Variants in NID1 observed in about 807,000 individuals in gnomAD.
The protein encoded by NID1 is nidogen 1.
NID1 carries 76 observed loss-of-function variants against 130.6 expected under a neutral mutation model. The observed-to-expected ratio is 0.58, with a 90% CI of 0.48 to 0.70. The LOEUF (loss-of-function observed/expected upper bound fraction) is 0.70, where lower values mean the gene tolerates loss of function less well. Ranked by LOEUF, NID1 falls within the 30% of genes least tolerant of loss-of-function variation. NID1 has a pLI of 0.00. For missense variants in NID1, 1,517 were observed against 1,664.8 expected, an observed-to-expected ratio of 0.91 and a Z score of 1.54; for synonymous variants, 665 against 675.1, an observed-to-expected ratio of 0.98 and a Z score of 0.23.
At chr1:236,011,003 C>T (rs1199831890) in intron 12 of NID1, among the ~76,000 whole-genome samples, 1 of 151,954 alleles carries the variant, frequency 6.6e-6, no homozygotes, top group Non-Finnish European at 1.5e-5. Context: ...CACCATATAC[C>T]AAACACTCCA....
chr1:236,051,970 A>G (rs1338222878), intron 1 of NID1, among the ~76,000 whole-genome samples: 1 of 152,252 alleles, frequency 6.6e-6, no homozygotes, highest in African/African-American at 2.4e-5. Context: ...AATGCTTTGG[A>G]CAACGGTCAT....
chr1:236,024,957 CTT>C (rs1331417881), intron 8 of NID1, among the ~76,000 whole-genome samples: 11 of 145,286 alleles, frequency 7.6e-5, no homozygotes, highest in South Asian at 2.2e-4. Flanking sequence ...ATTTCTTTTT[CTT>C]TTTTTTTTTT....
intron 4 of NID1, 85 bp downstream of exon 4, chr1:236,041,825 C>T: frequency 6.7e-7 from 1 of 1,493,006 alleles, no homozygotes; most frequent in Non-Finnish European, 9.0e-7. Context: ...ATGTAATGCT[C>T]ACAACTGACA....
At chr1:235,994,255 C>G (rs200392266) in intron 12 of NID1, among the ~76,000 whole-genome samples, 1 of 152,182 alleles carries the variant, frequency 6.6e-6, no homozygotes, top group Non-Finnish European at 1.5e-5. Flanking sequence ...CTCTGCCTCT[C>G]GGGTTCAAGT....
chr1:236,001,251 G>A (rs905710708), intron 12 of NID1, among the ~76,000 whole-genome samples: 8 of 151,864 alleles, frequency 5.3e-5, no homozygotes, highest in Non-Finnish European at 1.2e-4. Context: ...GATTACAGGC[G>A]CCTGCCACTG....
chr1:236,016,000 C>A (rs551949908), intron 10 of NID1, among the ~76,000 whole-genome samples: 95 of 152,260 alleles, frequency 6.2e-4, no homozygotes, highest in Middle Eastern at 3.4e-3. Context: ...CTGTGCACAT[C>A]AGCACCCAAG....
chr1:235,977,704 C>T lies in NID1; in HGVS notation c.*163G>A. On this transcript the variant is annotated 3_prime_UTR_variant, in exon 20 of 20. Coordinates refer to ENST00000264187, the MANE Select transcript of NID1 (RefSeq NM_002508.3). ...TTTTCTATTAGAGAAGTCCAGGGTG[C>T]ATGTTTTGGGGAACAGTGAGGGAAA... 9 of 697,128 alleles carry T rather than the reference C, an allele frequency of 1.3e-5. No homozygotes were observed. The highest frequency in any genetic ancestry group is 7.6e-4 in the Middle Eastern group (2 of 2,632). 43.2% of individuals were successfully genotyped at this position (697,128 alleles called of 1,614,324 possible).
intron 1 of NID1, among the ~76,000 whole-genome samples, chr1:236,064,341 C>A (rs931368965): frequency 6.6e-6 from 1 of 152,208 alleles, no homozygotes; most frequent in African/African-American, 2.4e-5. Flanking sequence ...AGCATCACTG[C>A]CAAGACACAT....
chr1:236,028,694 A>G (rs1372366246), intron 7 of NID1, among the ~76,000 whole-genome samples: 1 of 151,768 alleles, frequency 6.6e-6, no homozygotes, highest in South Asian at 2.1e-4. Context: ...ATACATATAT[A>G]TATATATATA....
At chr1:236,036,021 T>C (rs1659247632) in intron 5 of NID1, among the ~76,000 whole-genome samples, 1 of 152,116 alleles carries the variant, frequency 6.6e-6, no homozygotes, top group African/African-American at 2.4e-5. Flanking sequence ...AATGTCAAAA[T>C]ATGTGGCTGA....
rs936095860 is a variant in NID1, at chr1:235,993,763, A to G, written c.2637T>C (p.Asp879=). ...GGGTGGGCGCGTAGTGCCCGTGCGC[A>G]TCGCACTCAGGAACGAACAGCCCCG... The part of the protein sequence containing the change: ...IPPGLFVPEC[D]AHGHYAPTQC... The change falls in exon 13 of 20, where the codon GAT becomes GAC. Residue 879 remains aspartate, a synonymous_variant. Transcript: ENST00000264187. 1 of 1,614,042 alleles carries G rather than the reference A, an allele frequency of 6.2e-7. No homozygotes were observed.
At position 236,063,246 on chromosome 1, in the gene NID1, C is replaced by T. The variant is rs147297076; in HGVS notation, c.225+1609G>A. On this transcript the variant is annotated intron_variant, in intron 1 of 19. Coordinates refer to ENST00000264187, the MANE Select transcript of NID1 (RefSeq NM_002508.3). The stretch of plus-strand genomic sequence containing the variant: ...CAGCACTTTGGGAAGCTGAGGTGGG[C>T]AGATCATCTGAGGTCAGGAGTTCAA... Among the ~76,000 whole-genome samples, 691 of 149,930 alleles carry T rather than the reference C, an allele frequency of 4.6e-3. 10 individuals carry two copies. Among genetic ancestry groups the T allele is most frequent in the African/African-American group, 0.016 (662 of 40,590 alleles).
At chr1:236,047,262 G>C (rs911275) in intron 2 of NID1, among the ~76,000 whole-genome samples, 75,253 of 152,076 alleles carry the variant, frequency 0.49, 19,376 homozygotes, top group East Asian at 0.68. Context: ...TCCTCAAGGT[G>C]TATCTTGTAG....
intron 3 of NID1, 45 bp from the exon 4 acceptor site, chr1:236,042,337 C>G (rs1393798225): frequency 1.3e-6 from 2 of 1,567,122 alleles, no homozygotes; most frequent in South Asian, 1.2e-5. Flanking sequence ...AGCAACCCAC[C>G]AACAGCCACC....
intron 9 of NID1, among the ~76,000 whole-genome samples, chr1:236,021,552 G>C (rs938409564): frequency 6.6e-6 from 1 of 152,284 alleles, no homozygotes; most frequent in African/African-American, 2.4e-5. Context: ...TCTGCCATTA[G>C]CTGCGGCTGC....
intron 12 of NID1, among the ~76,000 whole-genome samples, chr1:235,995,916 T>C (rs1342545344): frequency 6.6e-6 from 1 of 152,184 alleles, no homozygotes; most frequent in African/African-American, 2.4e-5. Context: ...TTCCAGCACT[T>C]TGGGAGACCA....
chr1:235,985,861 A>C (rs1369805242), intron 14 of NID1, among the ~76,000 whole-genome samples: 1 of 151,986 alleles, frequency 6.6e-6, no homozygotes, highest in Non-Finnish European at 1.5e-5. Flanking sequence ...CCTGAACTCG[A>C]GTGATCCTCG....
chr1:235,980,389 T>C (rs1443784392), intron 17 of NID1, 107 bp downstream of exon 17: 13 of 1,120,384 alleles, frequency 1.2e-5, no homozygotes, highest in Non-Finnish European at 1.3e-5. Context: ...GCTTCTGGGT[T>C]ATATAAAAAC....
chr1:236,012,447 A>C (rs1356566820), intron 11 of NID1, among the ~76,000 whole-genome samples: 1 of 149,870 alleles, frequency 6.7e-6, no homozygotes, highest in Admixed American at 6.7e-5. Context: ...AATCCCAGCT[A>C]TTCTGGAGGC....
Sources: gnomAD v4.1 joint callset for allele counts (sites outside exome capture counted in the v4.1 genomes callset) on GRCh38, gnomAD v4.1.1 for gene constraint, MANE v1.5 for transcripts, NCBI Gene and HGNC (gene_info 2026-07-23, HGNC 2026-07-21) for gene names.